The following PC variants were observed in gnomAD, a reference collection of about 807,000 sequenced individuals.
PC encodes the protein pyruvate carboxylase.
In PC, 46 loss-of-function variants were observed where a neutral mutation model predicts 107.8. The ratio of observed to expected loss-of-function variants is 0.43; its 90% confidence interval spans 0.34 to 0.55. The LOEUF (loss-of-function observed/expected upper bound fraction) is 0.55, where lower values mean the gene tolerates loss of function less well. Among genes scored for constraint, PC ranks in the 20% least tolerant of loss-of-function variants. PC has a pLI of 0.04. For synonymous variants in PC, 662 were observed against 684.7 expected (o/e 0.97, Z 0.52); for missense variants, 1,241 against 1,643.1 (o/e 0.76, Z 4.23).
intron 3 of PC, among the ~76,000 whole-genome samples, chr11:66,905,450 C>T (rs928652013): frequency 6.6e-6 from 1 of 152,182 alleles, no homozygotes; most frequent in African/African-American, 2.4e-5. Flanking sequence ...CTGATCACAA[C>T]CCCCTAATGC....
At chr11:66,927,563 A>G (rs1350833265) in intron 3 of PC, among the ~76,000 whole-genome samples, 1 of 151,774 alleles carries the variant, frequency 6.6e-6, no homozygotes, top group African/African-American at 2.4e-5. Flanking sequence ...CTCTACTAAA[A>G]ATACAAAAAA....
intron 3 of PC, among the ~76,000 whole-genome samples, chr11:66,913,996 G>A (rs1359875143): frequency 6.6e-6 from 1 of 152,164 alleles, no homozygotes; most frequent in African/African-American, 2.4e-5. Context: ...GATTAAGAAT[G>A]TTGCCCTCAA....
In PC at chr11:66,849,634, G is replaced by A. The variant is rs776894712; in HGVS notation, c.3124C>T (p.Pro1042Ser). Residue 1042 changes from proline to serine, a missense_variant, in exon 21 of 23, where the codon CCC becomes TCC. Transcript: ENST00000393960. ...SLNTRLFLQG[P>S]KIAEEFEVEL... The stretch of plus-strand genomic sequence containing the variant: ...ACCTCAAACTCCTCTGCGATCTTGG[G>A]TCCCTGCAGGAAGAGGCGAGTATTC... 6.2e-7 allele frequency: 1 copy of A among 1,614,214 alleles called. No individual in the cohort carries two copies. The highest frequency in any genetic ancestry group is 8.5e-7 in the Non-Finnish European group (1 of 1,180,042).
chr11:66,921,613 G>C (rs888667647), intron 3 of PC, among the ~76,000 whole-genome samples: 1 of 152,066 alleles, frequency 6.6e-6, no homozygotes, highest in Non-Finnish European at 1.5e-5. Flanking sequence ...GGGCGGTGGG[G>C]TGGGAGACAG....
intron 3 of PC, among the ~76,000 whole-genome samples, chr11:66,915,775 A>C (rs1217078528): frequency 6.6e-6 from 1 of 152,236 alleles, no homozygotes; most frequent in Non-Finnish European, 1.5e-5. Flanking sequence ...GAGGGCAGTC[A>C]GGCAAAAAAT....
At chr11:66,859,978 C>A (rs1294497210) in intron 12 of PC, 5 of 1,601,224 alleles carry the variant, frequency 3.1e-6, no homozygotes, top group Non-Finnish European at 4.3e-6. Context: ...AATGGAGGCC[C>A]CAGCCCCACA....
At chr11:66,898,812 C>A (rs1947851921) in intron 3 of PC, among the ~76,000 whole-genome samples, 1 of 152,196 alleles carries the variant, frequency 6.6e-6, no homozygotes, top group Admixed American at 6.5e-5. Flanking sequence ...GCTCCCTCAG[C>A]CCTTGGCAAC....
chr11:66,922,757 G>A (rs913905182), intron 3 of PC, among the ~76,000 whole-genome samples: 1 of 152,104 alleles, frequency 6.6e-6, no homozygotes, highest in Non-Finnish European at 1.5e-5. Context: ...GACAGCTGGA[G>A]AAGATGAGGC....
In PC at chr11:66,863,930, G is replaced by A. The variant is rs1766865763; in HGVS notation, c.1212C>T (p.Gly404=). 6.2e-7 allele frequency: 1 copy of A among 1,613,890 alleles called. No individual in the cohort carries two copies. The highest frequency in any genetic ancestry group is 1.3e-5 in the African/African-American group (1 of 74,942). The part of the protein sequence containing the change: ...IEVFRSGEGM[G]IRLDNASAFQ... ...AGGCGGAAGCATTATCCAGGCGGAT[G>A]CCCATGCCCTCTCCGCTCCGGAACA... is the stretch of plus-strand genomic sequence containing the variant. The change falls in exon 12 of 23, where the codon GGC becomes GGT. Residue 404 remains glycine, a synonymous_variant. Transcript: ENST00000393960.
intron 12 of PC, chr11:66,859,698 G>A: frequency 6.8e-6 from 11 of 1,612,716 alleles, no homozygotes; most frequent in Non-Finnish European, 9.3e-6. Context: ...CGCTGACTAT[G>A]ACCTCTGCCT....
In PC at chr11:66,849,042, C is replaced by A; in HGVS notation, c.3394G>T (p.Ala1132Ser). 6.2e-7 allele frequency: 1 copy of A among 1,614,076 alleles called. No individual in the cohort carries two copies. Among genetic ancestry groups the A allele is most frequent in the Non-Finnish European group, 8.5e-7 (1 of 1,180,032 alleles). ...AGCACACACAGGGGCTGGCCCTTGG[C>A]CACCTTGGCCCCTGCCACCACTTTG... is the stretch of plus-strand genomic sequence containing the variant. ...DIKVVAGAKV[A>S]KGQPLCVLSA... Residue 1132 changes from alanine (A) to serine (S), a missense_variant, in exon 23 of 23, where the codon GCC becomes TCC. Transcript: ENST00000393960.
In PC at chr11:66,945,432, G is replaced by C. The variant is rs76280286; in HGVS notation, c.-1+6998C>G. The stretch of plus-strand genomic sequence containing the variant: ...TTCAAATGGTTTGGGGGGGCGGGTC[G>C]GAACTGCAGAGTTACATGAGATGAG... On this transcript the variant is annotated intron_variant, in intron 3 of 22. Transcript: ENST00000393960. Among the ~76,000 whole-genome samples, 4 of 93,472 alleles carry C rather than the reference G, an allele frequency of 4.3e-5. 2 individuals carry two copies. The highest frequency in any genetic ancestry group is 1.5e-4 in the African/African-American group (4 of 27,060). The allele number at this position is 93,472 out of a possible 152,430, so 61.3% of individuals were successfully genotyped here.
rs1478370424 is a variant in PC at position 66,857,554 on chromosome 11, G to T, written c.1369-4171C>A. The T allele has an allele frequency of 3.3e-6, 2 of 602,730 alleles. No individual in the cohort carries two copies. The highest frequency in any genetic ancestry group is 5.7e-5 in the East Asian group (2 of 35,228). 37.3% of individuals were successfully genotyped at this position (602,730 alleles called of 1,614,324 possible). A position where few individuals can be genotyped will look rare whatever the true frequency, so the allele number is the denominator to read the frequency against. On this transcript the variant is annotated intron_variant, in intron 12 of 22. Coordinates refer to ENST00000393960, the MANE Select transcript of PC (RefSeq NM_001040716.2). The surrounding 1 kb of genome is among the most constrained non-coding windows in gnomAD (Gnocchi z 7.1). ...TAACTGCTTGGGAAATGTGACCTTT[G>T]CTCTGGGGGGCCTGGCCCTGCAGGC...
At chr11:66,915,945 T>C (rs1948453024) in intron 3 of PC, among the ~76,000 whole-genome samples, 1 of 152,154 alleles carries the variant, frequency 6.6e-6, no homozygotes, top group African/African-American at 2.4e-5. Flanking sequence ...TCCCATAGTC[T>C]CAGTCTTTCC....
intron 10 of PC, among the ~76,000 whole-genome samples, chr11:66,867,785 G>T (rs745525824): frequency 3.3e-5 from 5 of 152,252 alleles, no homozygotes; most frequent in Non-Finnish European, 7.3e-5. Flanking sequence ...AGCTTGAGGG[G>T]AAGAGTCTCA....
chr11:66,943,203 T>C (rs1229972124), intron 3 of PC, among the ~76,000 whole-genome samples: 1 of 151,280 alleles, frequency 6.6e-6, no homozygotes, highest in Non-Finnish European at 1.5e-5. Flanking sequence ...GAGGTCGAGC[T>C]GGCCATGGTG....
chr11:66,906,102 G>A (rs1276867389), intron 3 of PC, among the ~76,000 whole-genome samples: 1 of 152,160 alleles, frequency 6.6e-6, no homozygotes, highest in Non-Finnish European at 1.5e-5. Context: ...TGTGGGGAAG[G>A]GCAGCACCAA....
chr11:66,899,298 T>C (rs1947868250), intron 3 of PC, among the ~76,000 whole-genome samples: 1 of 152,252 alleles, frequency 6.6e-6, no homozygotes, highest in African/African-American at 2.4e-5. Flanking sequence ...CTTCTTTGTA[T>C]GGCTAAATAA....
intron 3 of PC, among the ~76,000 whole-genome samples, chr11:66,928,482 A>G (rs1948772345): frequency 6.6e-6 from 1 of 151,684 alleles, no homozygotes; most frequent in East Asian, 1.9e-4. Context: ...TGTTCAGTCT[A>G]CCTAGTAGTG....
Sources: gnomAD v4.1 joint callset for allele counts (sites outside exome capture counted in the v4.1 genomes callset) on GRCh38, gnomAD v4.1.1 for gene constraint, Gnocchi (gnomAD v3.1) non-coding constraint, MANE v1.5 for transcripts, NCBI Gene and HGNC (gene_info 2026-07-23, HGNC 2026-07-21) for gene names.